ALDH1A2: variants seen among roughly 807,000 people sequenced by gnomAD.
ALDH1A2 encodes the protein aldehyde dehydrogenase 1 family member A2.
In ALDH1A2, 27 loss-of-function variants were observed where a neutral mutation model predicts 60.3. That is an observed-to-expected ratio of 0.45 (90% confidence interval 0.33 to 0.62). The LOEUF (loss-of-function observed/expected upper bound fraction) is 0.62, where lower values mean the gene tolerates loss of function less well. Ranked by LOEUF, ALDH1A2 falls within the 20% of genes least tolerant of loss-of-function variation. The pLI is 0.02. For missense variants in ALDH1A2, 581 were observed against 643.8 expected (o/e 0.90, Z 1.06); for synonymous variants, 289 against 232.4 (o/e 1.24, Z -2.21).
chr15:58,026,142 G>T (rs1007296846), intron 1 of ALDH1A2, among the ~76,000 whole-genome samples: 1 of 152,088 alleles, frequency 6.6e-6, no homozygotes, highest in Non-Finnish European at 1.5e-5. Flanking sequence ...AAAACTACAA[G>T]CCAATATCCC....
rs1279918147 is a variant in ALDH1A2, at chr15:57,993,188, T to C, written c.556-115A>G. 14 of 1,265,450 alleles carry C rather than the reference T, an allele frequency of 1.1e-5. No homozygotes were observed. In the African/African-American group the frequency reaches 2.1e-4, roughly 19 times the overall value. The allele number at this position is 1,265,450 out of a possible 1,614,324, so 78.4% of individuals were successfully genotyped here. ...AGTCCTCGACATAAATCTTGTCCACTACAAAGTACAGATGTTTGGATTTTC... is the reference window on the plus strand; with the variant it reads ...AGTCCTCGACATAAATCTTGTCCACCACAAAGTACAGATGTTTGGATTTTC... On this transcript the variant is annotated intron_variant, in intron 5 of 12. Coordinates refer to ENST00000249750, the MANE Select transcript of ALDH1A2 (RefSeq NM_003888.4).
intron 1 of ALDH1A2, among the ~76,000 whole-genome samples, chr15:58,058,425 T>A (rs1896947179): frequency 6.7e-6 from 1 of 149,098 alleles, no homozygotes; most frequent in South Asian, 2.1e-4. Context: ...CCTATACCAC[T>A]TTCTGACTGT....
chr15:57,982,514 A>G (rs181191196), intron 7 of ALDH1A2, among the ~76,000 whole-genome samples: 360 of 152,292 alleles, frequency 2.4e-3, no homozygotes, highest in Non-Finnish European at 4.2e-3. Context: ...GTTTTCTTTT[A>G]AGAGACTCTA....
intron 7 of ALDH1A2, among the ~76,000 whole-genome samples, chr15:57,973,680 C>T (rs974981197): frequency 4.6e-5 from 7 of 152,174 alleles, no homozygotes; most frequent in African/African-American, 1.7e-4. Flanking sequence ...ATATTCTAGA[C>T]AAATGCCGCT....
chr15:57,958,525 C>T (rs765891122), intron 12 of ALDH1A2, among the ~76,000 whole-genome samples: 8 of 152,156 alleles, frequency 5.3e-5, no homozygotes, highest in African/African-American at 9.7e-5. Flanking sequence ...GGGGAGACCT[C>T]GTGGGCTAGG....
intron 3 of ALDH1A2, among the ~76,000 whole-genome samples, chr15:58,012,451 A>T (rs1895660636): frequency 6.6e-6 from 1 of 152,184 alleles, no homozygotes; most frequent in Non-Finnish European, 1.5e-5. Context: ...GTTTTGCATG[A>T]TATTGGTATG....
chr15:57,959,524 A>AT (rs1383499113), intron 12 of ALDH1A2, among the ~76,000 whole-genome samples: 1 of 152,176 alleles, frequency 6.6e-6, no homozygotes, highest in East Asian at 1.9e-4. Context: ...AATCATCTAT[A>AT]TAACACTAAT....
intron 5 of ALDH1A2, 76 bp from the exon 6 acceptor site, chr15:57,993,149 A>C: frequency 6.4e-7 from 1 of 1,555,690 alleles, no homozygotes; most frequent in East Asian, 2.3e-5. Flanking sequence ...GTGACTTCTC[A>C]TATTTCTCAA....
intron 4 of ALDH1A2, among the ~76,000 whole-genome samples, chr15:57,998,649 T>C (rs1895148140): frequency 6.6e-6 from 1 of 152,106 alleles, no homozygotes; most frequent in South Asian, 2.1e-4. Flanking sequence ...AAAAATTCAA[T>C]GCTATTGTCA....
At chr15:57,960,135 G>A (rs570887639) in intron 12 of ALDH1A2, among the ~76,000 whole-genome samples, 39 of 152,200 alleles carry the variant, frequency 2.6e-4, no homozygotes, top group Middle Eastern at 3.4e-3. Context: ...TCTTTTCTGC[G>A]ATTCCTCTGA....
At chr15:57,961,043 G>T in intron 11 of ALDH1A2, 94 bp downstream of exon 11, 1 of 1,537,190 alleles carries the variant, frequency 6.5e-7, no homozygotes, top group Non-Finnish European at 8.9e-7. Context: ...GGTTGCTTTT[G>T]GTATTCCCCA....
chr15:58,054,804 G>A (rs1192759580), intron 1 of ALDH1A2, among the ~76,000 whole-genome samples: 1 of 152,162 alleles, frequency 6.6e-6, no homozygotes, highest in East Asian at 1.9e-4. Flanking sequence ...GGCAGTGTGT[G>A]ACTACACAAC....
At chr15:58,050,777 A>T (rs79293317) in intron 1 of ALDH1A2, among the ~76,000 whole-genome samples, 549 of 152,326 alleles carry the variant, frequency 3.6e-3, no homozygotes, top group Non-Finnish European at 6.2e-3. Context: ...TTTTCTCATC[A>T]CAAAAAAAGT....
chr15:58,020,181 G>A (rs1595671233), intron 1 of ALDH1A2, among the ~76,000 whole-genome samples: 1 of 152,200 alleles, frequency 6.6e-6, no homozygotes, highest in Non-Finnish European at 1.5e-5. Context: ...TGGCTGCATA[G>A]TATTCCACGG....
chr15:58,031,977 C>T (rs1469526871), intron 1 of ALDH1A2, among the ~76,000 whole-genome samples: 1 of 152,172 alleles, frequency 6.6e-6, no homozygotes, highest in Admixed American at 6.5e-5. Context: ...ACTAGAAATA[C>T]CATTTGACCC....
chr15:58,044,768 G>C (rs928429045), intron 1 of ALDH1A2, among the ~76,000 whole-genome samples: 3 of 151,990 alleles, frequency 2.0e-5, no homozygotes. Context: ...GAGGATTCAG[G>C]AAGAGGACCT....
intron 1 of ALDH1A2, among the ~76,000 whole-genome samples, chr15:58,027,223 C>G (rs1206287162): frequency 1.3e-5 from 2 of 152,174 alleles, no homozygotes; most frequent in Non-Finnish European, 2.9e-5. Flanking sequence ...ATTATTTGCT[C>G]TTCTGCAGTC....
chr15:58,027,661 G>C (rs2140535425), intron 1 of ALDH1A2, among the ~76,000 whole-genome samples: 1 of 152,228 alleles, frequency 6.6e-6, no homozygotes, highest in Admixed American at 6.5e-5. Context: ...AAAAAGGTTA[G>C]ATGAATGGCT....
rs1232216823 is a variant in ALDH1A2, at chr15:57,995,562, C to T, written c.494-423G>A. On this transcript the variant is annotated intron_variant, in intron 4 of 12. Transcript: ENST00000249750. ...GTATTAAAATAAACTAAGTAAAATG[C>T]TATTGGGCAAATTTAAAATGCTCGG... 3.3e-5 allele frequency among the ~76,000 whole-genome samples: 5 copies of T among 152,036 alleles called. No homozygotes were observed. The South Asian group carries it at 6.2e-4, about 19-fold the overall frequency.
Sources: allele counts gnomAD v4.1 joint callset (sites outside exome capture counted in the v4.1 genomes callset), GRCh38; gene constraint gnomAD v4.1.1; transcripts MANE v1.5; gene names NCBI Gene and HGNC (gene_info 2026-07-23, HGNC 2026-07-21).